Variants in TNRC6B observed in about 807,000 individuals in gnomAD.
TNRC6B encodes the protein trinucleotide repeat-containing gene 6B protein.
In TNRC6B, 52 loss-of-function variants were observed where a neutral mutation model predicts 203.6. That is an observed-to-expected ratio of 0.26 (90% CI 0.20 to 0.32). TNRC6B has a LOEUF of 0.32. Among genes scored for constraint, TNRC6B ranks in the 10% least tolerant of loss-of-function variants. TNRC6B has a pLI of 1.00. For missense variants in TNRC6B, 1,923 were observed against 2,286.2 expected (o/e 0.84, Z 3.24); for synonymous variants, 838 against 845.7 (o/e 0.99, Z 0.16).
At chr22:40,248,382 A>T (rs549897448) in intron 2 of TNRC6B, among the ~76,000 whole-genome samples, 64 of 152,352 alleles carry the variant, frequency 4.2e-4, no homozygotes, top group Admixed American at 7.8e-4. Context: ...TATGGAGATG[A>T]GTGATTAATA....
intron 11 of TNRC6B, among the ~76,000 whole-genome samples, chr22:40,283,786 A>G (rs967166688): frequency 6.6e-6 from 1 of 152,208 alleles, no homozygotes; most frequent in African/African-American, 2.4e-5. Context: ...TTGATTTTAC[A>G]GGAGATTAAA....
rs183932256 is a variant in TNRC6B at position 40,155,358 on chromosome 22, G to A, written c.46-757G>A. ...GGCTGGAGTACAGTGGCGTGATCTC[G>A]GCTCACTGCCACCTCTGCCTCCCAG... On this transcript the variant is annotated intron_variant, in intron 3 of 23. Transcript: ENST00000301923. 2.6e-5 allele frequency among the ~76,000 whole-genome samples: 4 copies of A among 152,122 alleles called. No homozygotes were observed. The East Asian group carries it at 7.7e-4, about 29-fold the overall frequency.
At chr22:40,178,235 A>G (rs2069088581) in intron 1 of TNRC6B, 95 bp downstream of exon 1, 16 of 1,413,644 alleles carry the variant, frequency 1.1e-5, no homozygotes, top group Admixed American at 7.0e-5. Flanking sequence ...ACATTTGTCT[A>G]GCATGGAGAC....
At chr22:40,184,995 A>T (rs1346084931) in intron 1 of TNRC6B, among the ~76,000 whole-genome samples, 8 of 151,414 alleles carry the variant, frequency 5.3e-5, no homozygotes, top group Non-Finnish European at 1.2e-4. Flanking sequence ...AATTTACCAA[A>T]TTTTTTTTTG....
At chr22:40,155,630 A>G (rs1854796015) in intron 3 of TNRC6B, among the ~76,000 whole-genome samples, 1 of 152,142 alleles carries the variant, frequency 6.6e-6, no homozygotes, top group Non-Finnish European at 1.5e-5. Context: ...TTTCCCTCCC[A>G]CTAGGAGTGG....
At chr22:40,142,713 G>C (rs17323619) in intron 3 of TNRC6B, among the ~76,000 whole-genome samples, 34,192 of 151,988 alleles carry the variant, frequency 0.22, 4,184 homozygotes, top group Admixed American at 0.34. Context: ...CAGAAGTCAA[G>C]CACATTGTCC....
intron 2 of TNRC6B, among the ~76,000 whole-genome samples, chr22:40,122,352 G>C (rs1255626580): frequency 1.3e-5 from 2 of 152,176 alleles, no homozygotes; most frequent in African/African-American, 4.8e-5. Flanking sequence ...ACTGGGCAGA[G>C]GGGCCGGGCT....
At chr22:40,165,346 T>G (rs1006861767) in intron 4 of TNRC6B, among the ~76,000 whole-genome samples, 1 of 151,916 alleles carries the variant, frequency 6.6e-6, no homozygotes, top group South Asian at 2.1e-4. Context: ...CTGGCTAATT[T>G]TTTTGTTTTT....
chr22:40,281,602 CTT>C (rs1356365695), intron 11 of TNRC6B, among the ~76,000 whole-genome samples: 1 of 151,904 alleles, frequency 6.6e-6, no homozygotes, highest in African/African-American at 2.4e-5. Context: ...GACAATCTAA[CTT>C]AATGCATTTG....
chr22:40,150,221 AC>A (rs1002179401), intron 3 of TNRC6B, among the ~76,000 whole-genome samples: 1 of 152,102 alleles, frequency 6.6e-6, no homozygotes, highest in African/African-American at 2.4e-5. Flanking sequence ...ACTAAAAAAT[AC>A]AAAAAATTAG....
At chr22:40,079,377 C>A (rs1276860560) in intron 1 of TNRC6B, among the ~76,000 whole-genome samples, 3 of 152,058 alleles carry the variant, frequency 2.0e-5, no homozygotes, top group Non-Finnish European at 4.4e-5. Context: ...TGCTTCTGGT[C>A]TTTTCCAGCA....
intron 1 of TNRC6B, among the ~76,000 whole-genome samples, chr22:40,203,027 A>C (rs569650413): frequency 2.0e-5 from 3 of 152,130 alleles, no homozygotes; most frequent in Non-Finnish European, 4.4e-5. Flanking sequence ...TCTGTGTTGA[A>C]TGGGCTTCAG....
chr22:40,215,813 A>T (rs1355445616), intron 1 of TNRC6B, among the ~76,000 whole-genome samples: 1 of 152,206 alleles, frequency 6.6e-6, no homozygotes, highest in Non-Finnish European at 1.5e-5. Flanking sequence ...TCTGTCTCCT[A>T]TGTGGACCTC....
intron 1 of TNRC6B, among the ~76,000 whole-genome samples, chr22:40,214,080 A>G (rs573067079): frequency 1.3e-5 from 2 of 152,282 alleles, no homozygotes; most frequent in African/African-American, 4.8e-5. Context: ...AGCCTGGCCA[A>G]CATGGTGAAA....
intron 11 of TNRC6B, 71 bp downstream of exon 11, chr22:40,281,360 C>T: frequency 1.6e-6 from 2 of 1,280,006 alleles, no homozygotes; most frequent in African/African-American, 1.5e-5. Context: ...CAGTTTATTG[C>T]ATCATTTGTC....
At chr22:40,085,938 A>G (rs927434520) in intron 1 of TNRC6B, among the ~76,000 whole-genome samples, 2 of 152,032 alleles carry the variant, frequency 1.3e-5, no homozygotes, top group African/African-American at 2.4e-5. Context: ...TGGTACAAAC[A>G]TGGCTTATGG....
intron 21 of TNRC6B, among the ~76,000 whole-genome samples, chr22:40,316,985 A>AC (rs1295946767): frequency 6.6e-6 from 1 of 152,196 alleles, no homozygotes; most frequent in African/African-American, 2.4e-5. Flanking sequence ...ACGATTTGCT[A>AC]TACAAATGTG....
chr22:40,113,601 C>T (rs942185967), intron 1 of TNRC6B, among the ~76,000 whole-genome samples: 8 of 152,194 alleles, frequency 5.3e-5, no homozygotes, highest in African/African-American at 1.9e-4. Flanking sequence ...AATCAATCTG[C>T]CCACCTCTGC....
chr22:40,116,806 G>T (rs1397591383), intron 1 of TNRC6B, among the ~76,000 whole-genome samples: 1 of 152,112 alleles, frequency 6.6e-6, no homozygotes, highest in Non-Finnish European at 1.5e-5. Context: ...GCATGTGTTT[G>T]GTATCCTGCC....
Sources: allele counts gnomAD v4.1 joint callset (sites outside exome capture counted in the v4.1 genomes callset), GRCh38; gene constraint gnomAD v4.1.1; transcripts MANE v1.5; gene names NCBI Gene and HGNC (gene_info 2026-07-23, HGNC 2026-07-21).